KCTD20: variants seen among roughly 807,000 people sequenced by gnomAD.
KCTD20 encodes BTB/POZ domain-containing protein KCTD20.
In KCTD20, 30 loss-of-function variants were observed where a neutral mutation model predicts 39.6. That is an observed-to-expected ratio of 0.76 (90% CI 0.57 to 1.03). The LOEUF is 1.03. Ranked by LOEUF, KCTD20 falls within the 50% of genes least tolerant of loss-of-function variation. KCTD20 has a pLI of 0.00. For synonymous variants in KCTD20, 162 were observed against 180.6 expected (o/e 0.90, Z 0.83); for missense variants, 422 against 522.0 (o/e 0.81, Z 1.87).
intron 1 of KCTD20, among the ~76,000 whole-genome samples, chr6:36,446,808 C>T (rs960058906): frequency 6.6e-6 from 1 of 152,052 alleles, no homozygotes; most frequent in Non-Finnish European, 1.5e-5. Flanking sequence ...TTGGAATCCC[C>T]AAATTAAACA....
chr6:36,476,564 G>A (rs1023055483), intron 3 of KCTD20, among the ~76,000 whole-genome samples: 4 of 151,798 alleles, frequency 2.6e-5, no homozygotes, highest in Non-Finnish European at 5.9e-5. Context: ...CAAGTAGCTG[G>A]GATCACAGGT....
chr6:36,473,956 AT>A (rs1329430152), intron 2 of KCTD20, among the ~76,000 whole-genome samples: 10 of 152,148 alleles, frequency 6.6e-5, no homozygotes, highest in Middle Eastern at 3.2e-3. Context: ...TGATGTTAGG[AT>A]TCTCCTGTAC....
Position 36,486,877 on chromosome 6 carries a change from T to C in KCTD20, c.968-6T>C. 6 of 1,608,512 alleles carry C rather than the reference T, an allele frequency of 3.7e-6. No individual in the cohort carries two copies. Among genetic ancestry groups the C allele is most frequent in the Non-Finnish European group, 5.1e-6 (6 of 1,177,316 alleles). On this transcript the variant is annotated splice_region_variant and splice_polypyrimidine_tract_variant and intron_variant, in intron 7 of 7. Transcript: ENST00000373731. ...TAGTCATGAGAATGGCCTTTTTCCATTGCAGGTTACCCTACCTGTAAAGAA... is the reference window on the plus strand; with the variant it reads ...TAGTCATGAGAATGGCCTTTTTCCACTGCAGGTTACCCTACCTGTAAAGAA...
chr6:36,483,680 AT>A (rs796865236), intron 6 of KCTD20, among the ~76,000 whole-genome samples: 11 of 149,676 alleles, frequency 7.3e-5, no homozygotes, highest in African/African-American at 7.4e-5. Flanking sequence ...TGATTGGCTA[AT>A]TTTTTTTTTA....
intron 1 of KCTD20, among the ~76,000 whole-genome samples, chr6:36,465,167 A>G (rs1775708306): frequency 6.6e-6 from 1 of 151,964 alleles, no homozygotes; most frequent in Admixed American, 6.6e-5. Flanking sequence ...GTGATGGTGC[A>G]TGCCTGTAAT....
At chr6:36,452,943 C>T (rs1017887234) in intron 1 of KCTD20, among the ~76,000 whole-genome samples, 2 of 149,500 alleles carry the variant, frequency 1.3e-5, no homozygotes, top group African/African-American at 4.9e-5. Context: ...GTTGTGCAGA[C>T]ATTACCACCA....
chr6:36,472,288 C>T lies in KCTD20; in HGVS notation c.160+2031C>T, dbSNP rs1003447908. 3.3e-5 allele frequency among the ~76,000 whole-genome samples: 5 copies of T among 152,240 alleles called. No homozygotes were observed. In the South Asian group the frequency reaches 6.2e-4, roughly 19 times the overall value. ...TAGCTTTTGGTGTGCAAACATGAGA[C>T]CACATTGAAAGTTTATGAGAAGCTA... On this transcript the variant is annotated intron_variant, in intron 2 of 7. Transcript: ENST00000373731.
chr6:36,479,344 C>T, intron 4 of KCTD20, 121 bp downstream of exon 4: 2 of 771,944 alleles, frequency 2.6e-6, no homozygotes, highest in East Asian at 5.4e-5. Flanking sequence ...TGTTTCCTTT[C>T]TCCCTTTGTT....
At chr6:36,479,490 A>T in intron 4 of KCTD20, 101 bp from the exon 5 acceptor site, 2 of 1,064,928 alleles carry the variant, frequency 1.9e-6, no homozygotes, top group Non-Finnish European at 1.4e-6. Context: ...TGATAATTCC[A>T]GTAGCTCATT....
intron 1 of KCTD20, among the ~76,000 whole-genome samples, chr6:36,464,226 C>A (rs1464422220): frequency 6.6e-6 from 1 of 152,020 alleles, no homozygotes; most frequent in African/African-American, 2.4e-5. Context: ...GTCTATGAAC[C>A]AAGAATTTCA....
chr6:36,466,004 AGTTGT>A (rs1472097433), intron 1 of KCTD20, among the ~76,000 whole-genome samples: 1 of 151,966 alleles, frequency 6.6e-6, no homozygotes, highest in Non-Finnish European at 1.5e-5. Flanking sequence ...TGACCTTCAG[AGTTGT>A]GTTGACCAAA....
intron 1 of KCTD20, among the ~76,000 whole-genome samples, chr6:36,452,999 C>CTTTTTTTT (rs59865602): frequency 5.3e-4 from 31 of 58,140 alleles, no homozygotes; most frequent in Admixed American, 7.5e-4. Flanking sequence ...GTTTTCTTAG[C>CTTTTTTTT]TTTTTTTTTT....
intron 1 of KCTD20, among the ~76,000 whole-genome samples, chr6:36,454,055 T>C (rs1775351006): frequency 6.6e-6 from 1 of 152,236 alleles, no homozygotes; most frequent in Admixed American, 6.5e-5. Flanking sequence ...TCTTTCAATC[T>C]TTTGAAATGT....
intron 1 of KCTD20, among the ~76,000 whole-genome samples, chr6:36,445,742 C>T (rs1775021022): frequency 6.6e-6 from 1 of 152,092 alleles, no homozygotes; most frequent in African/African-American, 2.4e-5. Flanking sequence ...GGCTCCTAGC[C>T]CAGTGTTCTT....
intron 1 of KCTD20, among the ~76,000 whole-genome samples, chr6:36,460,406 C>T (rs1300934501): frequency 2.0e-5 from 3 of 152,138 alleles, no homozygotes; most frequent in Non-Finnish European, 4.4e-5. Context: ...CAGATTCCAG[C>T]GATTCTCCTG....
Position 36,490,987 on chromosome 6 carries a change from G to C in KCTD20, c.*3812G>C, listed in dbSNP as rs905785257. On this transcript the variant is annotated 3_prime_UTR_variant, in exon 8 of 8. Transcript: ENST00000373731. Reference sequence around the variant, plus strand: ...ATTTGTGTTCTGGGTGGGATCACTAGTGCAGGAGAACATTACATTTTCTTC... The same window carrying C: ...ATTTGTGTTCTGGGTGGGATCACTACTGCAGGAGAACATTACATTTTCTTC... The C allele has an allele frequency of 1.3e-5, 2 of 152,256 alleles. No individual in the cohort carries two copies. The highest frequency in any genetic ancestry group is 2.9e-5 in the Non-Finnish European group (2 of 68,042). The allele number at this position is 152,256 out of a possible 1,614,324, so 9.4% of individuals were successfully genotyped here.
At chr6:36,446,274 C>CA (rs1418516335) in intron 1 of KCTD20, among the ~76,000 whole-genome samples, 6 of 151,946 alleles carry the variant, frequency 3.9e-5, no homozygotes, top group African/African-American at 1.5e-4. Flanking sequence ...GTGATCCGCC[C>CA]ACCTGGGACT....
chr6:36,471,958 C>G (rs960137556), intron 2 of KCTD20, among the ~76,000 whole-genome samples: 1 of 151,952 alleles, frequency 6.6e-6, no homozygotes, highest in Non-Finnish European at 1.5e-5. Flanking sequence ...ACGCTATTCT[C>G]CTGCCTCAGC....
intron 1 of KCTD20, among the ~76,000 whole-genome samples, chr6:36,464,856 T>C (rs1481361430): frequency 6.6e-6 from 1 of 152,194 alleles, no homozygotes; most frequent in Non-Finnish European, 1.5e-5. Context: ...TTCTTAAGTT[T>C]GATTATGGGA....
Sources: gnomAD v4.1 joint callset for allele counts (sites outside exome capture counted in the v4.1 genomes callset) on GRCh38, gnomAD v4.1.1 for gene constraint, MANE v1.5 for transcripts, NCBI Gene and HGNC (gene_info 2026-07-23, HGNC 2026-07-21) for gene names.